KATNIP: variants seen among roughly 807,000 people sequenced by gnomAD.
The protein encoded by KATNIP is katanin interacting protein.
Under a neutral mutation model 174.0 loss-of-function variants are expected in KATNIP, and 126 were observed. The ratio of observed to expected loss-of-function variants is 0.72; its 90% CI spans 0.63 to 0.84. KATNIP has a LOEUF of 0.84. Ranked by LOEUF, KATNIP falls within the 40% of genes least tolerant of loss-of-function variation. The probability of loss-of-function intolerance (pLI) is 0.00; values close to 1 mark genes in which losing one functional copy is unlikely to be tolerated. For synonymous variants in KATNIP, 810 were observed against 835.7 expected (o/e 0.97, Z 0.53); for missense variants, 1,958 against 2,109.7 (o/e 0.93, Z 1.41).
At chr16:27,746,190 G>C (rs759121234) in intron 15 of KATNIP, among the ~76,000 whole-genome samples, 37 of 152,106 alleles carry the variant, frequency 2.4e-4, no homozygotes, top group Non-Finnish European at 2.4e-4. Context: ...TTAGAAAGCA[G>C]ACGCAGAATG....
At chr16:27,778,297 AAGGTGAGGGCTTCCCGGAGG>A (rs1365999029) in intron 27 of KATNIP, among the ~76,000 whole-genome samples, 1 of 152,340 alleles carries the variant, frequency 6.6e-6, no homozygotes, top group East Asian at 1.9e-4. Context: ...GAGGATGCCC[AAGGTGAGGGCTTCCCGGAGG>A]AGGTGATGTT....
At chr16:27,605,661 C>T (rs2075678938) in intron 2 of KATNIP, among the ~76,000 whole-genome samples, 1 of 152,154 alleles carries the variant, frequency 6.6e-6, no homozygotes, top group Non-Finnish European at 1.5e-5. Context: ...GTGAGAAACT[C>T]AAATGTTTGC....
At chr16:27,711,722 A>G (rs1749177557) in intron 13 of KATNIP, among the ~76,000 whole-genome samples, 1 of 152,236 alleles carries the variant, frequency 6.6e-6, no homozygotes, top group Admixed American at 6.5e-5. Flanking sequence ...AACAAAAATT[A>G]AGAAATTCAA....
At chr16:27,678,120 A>G (rs1383319240) in intron 7 of KATNIP, 124 bp downstream of exon 7, 9 of 1,101,560 alleles carry the variant, frequency 8.2e-6, no homozygotes, top group Admixed American at 2.4e-5. Flanking sequence ...CCAGGGAGGT[A>G]TATCAGTCAG....
chr16:27,653,031 A>C (rs920406119), intron 6 of KATNIP, among the ~76,000 whole-genome samples: 3 of 152,174 alleles, frequency 2.0e-5, no homozygotes, highest in African/African-American at 7.2e-5. Flanking sequence ...CAAATGATAC[A>C]AAGAAAACAA....
chr16:27,687,251 TG>T (rs2078558302), intron 8 of KATNIP: 2 of 152,184 alleles, frequency 1.3e-5, no homozygotes, highest in East Asian at 3.8e-4. Context: ...ACTATATCCC[TG>T]TAATTCTTCA....
At chr16:27,740,001 A>T in intron 14 of KATNIP, 40 bp from the exon 15 acceptor site, 1 of 1,572,946 alleles carries the variant, frequency 6.4e-7, no homozygotes, top group South Asian at 1.2e-5. Flanking sequence ...CATCAGTCTG[A>T]TGCTATGCAT....
At chr16:27,670,914 G>A (rs531228832) in intron 6 of KATNIP, among the ~76,000 whole-genome samples, 45 of 152,242 alleles carry the variant, frequency 3.0e-4, no homozygotes, top group Non-Finnish European at 5.3e-4. Flanking sequence ...GGTGCTGGCC[G>A]GGCGTAGTGG....
intron 6 of KATNIP, among the ~76,000 whole-genome samples, chr16:27,653,836 G>A (rs1037000064): frequency 2.0e-5 from 3 of 151,950 alleles, no homozygotes; most frequent in African/African-American, 7.3e-5. Context: ...TTGTTGGGGA[G>A]TTTTTTGGTA....
In KATNIP at chr16:27,754,196, C is replaced by T. The variant is rs1286529812; in HGVS notation, c.3576C>T (p.Ser1192=). The change falls in exon 18 of 28, where the codon TCC becomes TCT. Residue 1192 remains serine, a synonymous_variant. Coordinates refer to ENST00000261588, the MANE Select transcript of KATNIP (RefSeq NM_015202.5). Reference sequence around the variant, plus strand: ...AGATCCCGGAGCTAGAGCTCCCATCCAGTTCCCCTGTCCCCCAAGTCACCA... The same window carrying T: ...AGATCCCGGAGCTAGAGCTCCCATCTAGTTCCCCTGTCCCCCAAGTCACCA... ...DERIPELELP[S]SSPVPQVTTP... is the part of the protein sequence containing the mutation. 1.9e-6 allele frequency: 3 copies of T among 1,614,020 alleles called. No homozygotes were observed. In the Admixed American group the frequency reaches 5.0e-5, roughly 27 times the overall value.
At chr16:27,670,863 A>C (rs2077871983) in intron 6 of KATNIP, among the ~76,000 whole-genome samples, 2 of 152,338 alleles carry the variant, frequency 1.3e-5, no homozygotes, top group East Asian at 3.9e-4. Context: ...AGAAAAGGAA[A>C]GTCCTGGAAA....
intron 5 of KATNIP, 187 bp downstream of exon 5, chr16:27,631,349 G>C (rs1403840703): frequency 1.8e-6 from 1 of 549,594 alleles, no homozygotes; most frequent in Non-Finnish European, 3.3e-6. Flanking sequence ...AGACCAGCTT[G>C]GGCAACAAAG....
intron 1 of KATNIP, among the ~76,000 whole-genome samples, chr16:27,561,433 C>T (rs2089879479): frequency 6.6e-6 from 1 of 152,150 alleles, no homozygotes; most frequent in South Asian, 2.1e-4. Context: ...CCTCTGCTCT[C>T]CCATTAGCAT....
At chr16:27,763,277 A>G (rs185137550) in intron 19 of KATNIP, among the ~76,000 whole-genome samples, 3 of 146,088 alleles carry the variant, frequency 2.1e-5, no homozygotes, top group African/African-American at 7.6e-5. Context: ...TAGTGAGACT[A>G]TGTCTCTACA....
chr16:27,651,002 G>A (rs1479445522), intron 6 of KATNIP, among the ~76,000 whole-genome samples: 2 of 152,144 alleles, frequency 1.3e-5, no homozygotes, highest in Non-Finnish European at 2.9e-5. Flanking sequence ...TTGGGAGGCT[G>A]GTTTTTAGCC....
chr16:27,740,480 A>G lies in KATNIP; in HGVS notation c.2183A>G (p.Glu728Gly), dbSNP rs2081063165. 1.2e-6 allele frequency: 2 copies of G among 1,614,142 alleles called. No homozygotes were observed. Among genetic ancestry groups the G allele is most frequent in the Non-Finnish European group, 1.7e-6 (2 of 1,180,028 alleles). The stretch of plus-strand genomic sequence containing the variant: ...CCTGTGAAGTGCCCTCCTGTCCATG[A>G]GGAGCCCTCTCTCATCCAACAACTG... The part of the protein sequence containing the change: ...SPPVKCPPVH[E>G]EPSLIQQLEN... Residue 728 changes from glutamate to glycine, a missense_variant, in exon 15 of 28, where the codon GAG becomes GGG. Transcript: ENST00000261588.
intron 2 of KATNIP, among the ~76,000 whole-genome samples, chr16:27,583,576 G>A (rs2090776290): frequency 6.6e-6 from 1 of 152,138 alleles, no homozygotes; most frequent in African/African-American, 2.4e-5. Context: ...CAGGCCATGG[G>A]GGCTTCAGTC....
At chr16:27,627,294 C>T (rs891595609) in intron 3 of KATNIP, among the ~76,000 whole-genome samples, 6 of 152,150 alleles carry the variant, frequency 3.9e-5, no homozygotes, top group East Asian at 1.9e-4. Flanking sequence ...CTGGTGATTT[C>T]GTTGCTTAAA....
In KATNIP at chr16:27,698,417, C is replaced by G; in HGVS notation, c.1030C>G (p.Leu344Val). The change falls in exon 9 of 28, where the codon CTC becomes GTC. Residue 344 changes from leucine (L) to valine (V), a missense_variant. Coordinates refer to ENST00000261588, the MANE Select transcript of KATNIP (RefSeq NM_015202.5). ...CCCAGAGGAAGATGCCTCTGCTGTG[C>G]TCCAAGCCATCCAGGTGGAGAACGC... ...EYPEEDASAV[L>V]QAIQVENAAL... The G allele has an allele frequency of 1.2e-6, 2 of 1,613,718 alleles. No individual in the cohort carries two copies. The highest frequency in any genetic ancestry group is 2.7e-5 in the African/African-American group (2 of 75,070).
Sources: allele counts gnomAD v4.1 joint callset (sites outside exome capture counted in the v4.1 genomes callset), GRCh38; gene constraint gnomAD v4.1.1; transcripts MANE v1.5; gene names NCBI Gene and HGNC (gene_info 2026-07-23, HGNC 2026-07-21).